Variants in ERC2 observed in about 807,000 individuals in gnomAD.
ERC2 encodes the protein ERC protein 2.
ERC2 carries 42 observed loss-of-function variants against 114.8 expected under a neutral mutation model. That is an observed-to-expected ratio of 0.37 (90% CI 0.29 to 0.47). The LOEUF (loss-of-function observed/expected upper bound fraction) is 0.47, where lower values mean the gene tolerates loss of function less well. ERC2 is among the 20% of genes least tolerant of loss of function. The probability of loss-of-function intolerance (pLI) is 0.99; values close to 1 mark genes in which losing one functional copy is unlikely to be tolerated. For missense variants in ERC2, 939 were observed against 1,150.7 expected, an observed-to-expected ratio of 0.82 and a Z score of 2.66; for synonymous variants, 454 against 425.5, an observed-to-expected ratio of 1.07 and a Z score of -0.82.
At chr3:55,576,691 GC>G (rs1391349838) in intron 17 of ERC2, among the ~76,000 whole-genome samples, 15 of 152,252 alleles carry the variant, frequency 9.9e-5, no homozygotes, top group African/African-American at 3.6e-4. Context: ...CTTGCATCCT[GC>G]CCGTTAGCTC....
intron 14 of ERC2, among the ~76,000 whole-genome samples, chr3:55,791,900 C>T (rs1046385059): frequency 9.2e-5 from 14 of 152,160 alleles, no homozygotes; most frequent in African/African-American, 3.4e-4. Context: ...TATTGATTAG[C>T]ACTCTGCAAG....
At chr3:55,978,757 G>A (rs770586960) in intron 12 of ERC2, among the ~76,000 whole-genome samples, 3 of 152,338 alleles carry the variant, frequency 2.0e-5, no homozygotes, top group Middle Eastern at 3.4e-3. Flanking sequence ...CAATGATGAT[G>A]TTGTTTCTTA....
At chr3:55,691,573 A>AAAAAAT (rs1553631525) in intron 16 of ERC2, among the ~76,000 whole-genome samples, 1 of 39,746 alleles carries the variant, frequency 2.5e-5, no homozygotes, top group African/African-American at 9.3e-5. Context: ...AAAAAAAAAA[A>AAAAAAT]ATATATATAT....
chr3:56,086,824 A>G (rs1313596424), intron 6 of ERC2, among the ~76,000 whole-genome samples: 1 of 152,164 alleles, frequency 6.6e-6, no homozygotes, highest in Non-Finnish European at 1.5e-5. Flanking sequence ...AAAAGCCTGA[A>G]GTCTAGATTA....
chr3:56,466,657 A>G (rs1431886511), intron 1 of ERC2, among the ~76,000 whole-genome samples: 2 of 152,214 alleles, frequency 1.3e-5, no homozygotes, highest in African/African-American at 4.8e-5. Flanking sequence ...CCTCACTTCC[A>G]GAAGTTGAGT....
intron 17 of ERC2, among the ~76,000 whole-genome samples, chr3:55,551,186 A>G (rs1474263837): frequency 6.6e-6 from 1 of 152,098 alleles, no homozygotes; most frequent in African/African-American, 2.4e-5. Context: ...ACACACATAC[A>G]TACACACACA....
At chr3:55,730,060 A>C (rs2065161712) in intron 15 of ERC2, among the ~76,000 whole-genome samples, 1 of 151,988 alleles carries the variant, frequency 6.6e-6, no homozygotes, top group South Asian at 2.1e-4. Context: ...GGGAGTCACA[A>C]GCTGAACCAC....
intron 17 of ERC2, among the ~76,000 whole-genome samples, chr3:55,623,799 C>T (rs1367141857): frequency 6.6e-6 from 1 of 152,198 alleles, no homozygotes; most frequent in Non-Finnish European, 1.5e-5. Context: ...AACTACTTCC[C>T]CTCCCCTGTC....
chr3:56,327,027 C>A (rs962537826), intron 2 of ERC2, among the ~76,000 whole-genome samples: 1 of 152,218 alleles, frequency 6.6e-6, no homozygotes, highest in Non-Finnish European at 1.5e-5. Context: ...GGCCAAGAAG[C>A]CTACAAAGAG....
At chr3:55,543,967 C>T (rs12106807) in intron 17 of ERC2, among the ~76,000 whole-genome samples, 43,309 of 151,972 alleles carry the variant, frequency 0.28, 6,213 homozygotes, top group African/African-American at 0.33. Context: ...TCAGGGAGGC[C>T]GATTCACAGG....
At chr3:55,628,717 G>C (rs150586720) in intron 17 of ERC2, among the ~76,000 whole-genome samples, 8 of 152,262 alleles carry the variant, frequency 5.3e-5, no homozygotes, top group African/African-American at 1.4e-4. Context: ...AAAGCGGAAG[G>C]CTTCTAGATG....
intron 17 of ERC2, among the ~76,000 whole-genome samples, chr3:55,552,272 G>A (rs924234845): frequency 8.5e-5 from 13 of 152,182 alleles, no homozygotes; most frequent in Non-Finnish European, 1.6e-4. Context: ...CCAGGGGTGG[G>A]GTTGGGGGCA....
chr3:55,700,076 G>A (rs764265354), intron 15 of ERC2, among the ~76,000 whole-genome samples: 2 of 152,176 alleles, frequency 1.3e-5, no homozygotes, highest in African/African-American at 2.4e-5. Flanking sequence ...CATTTTAACC[G>A]ATTTTGTTCC....
chr3:56,370,554 G>C (rs2059321554), intron 2 of ERC2, among the ~76,000 whole-genome samples: 1 of 142,060 alleles, frequency 7.0e-6, no homozygotes, highest in Non-Finnish European at 1.5e-5. Flanking sequence ...TGATTTGTTT[G>C]TTTGTTTGTT....
At chr3:56,375,642 T>C (rs2059512004) in intron 2 of ERC2, among the ~76,000 whole-genome samples, 1 of 152,148 alleles carries the variant, frequency 6.6e-6, no homozygotes, top group Admixed American at 6.5e-5. Flanking sequence ...CTAAATCTTA[T>C]AGAAATACTA....
At chr3:55,553,521 C>T (rs944133592) in intron 17 of ERC2, among the ~76,000 whole-genome samples, 16 of 152,160 alleles carry the variant, frequency 1.1e-4, no homozygotes, top group African/African-American at 3.1e-4. Flanking sequence ...TGGCTCACCC[C>T]TGTAATCCCA....
In ERC2 at chr3:55,576,674, C is replaced by T. The variant is rs528606150; in HGVS notation, c.*40-65398G>A. On this transcript the variant is annotated intron_variant, in intron 17 of 17. Transcript: ENST00000288221. ...GATAGAGAAGCAGCTGCGGAGGAAA[C>T]CCCCACCTTGCATCCTGCCCGTTAG... Among the ~76,000 whole-genome samples the T allele has an allele frequency of 2.6e-5, 4 of 152,360 alleles. No homozygotes were observed. In the East Asian group the frequency reaches 7.7e-4, roughly 29 times the overall value.
At chr3:56,237,891 CTTTTT>C (rs3054904) in intron 3 of ERC2, among the ~76,000 whole-genome samples, 1 of 140,912 alleles carries the variant, frequency 7.1e-6, no homozygotes. Context: ...CTATTTTTTC[CTTTTT>C]TTTTTTTTTG....
At chr3:56,003,996 C>G (rs928892448) in intron 10 of ERC2, among the ~76,000 whole-genome samples, 20 of 152,006 alleles carry the variant, frequency 1.3e-4, no homozygotes, top group African/African-American at 4.3e-4. Context: ...GAAACTGTTA[C>G]TTTGCTTTAA....
Sources: allele counts gnomAD v4.1 joint callset (sites outside exome capture counted in the v4.1 genomes callset), GRCh38; gene constraint gnomAD v4.1.1; transcripts MANE v1.5; gene names NCBI Gene and HGNC (gene_info 2026-07-23, HGNC 2026-07-21).